The following MGAM2 variants were observed in gnomAD, a reference collection of about 807,000 sequenced individuals.
The protein encoded by MGAM2 is maltase-glucoamylase 2 (putative).
MGAM2 carries 98 observed loss-of-function variants against 96.1 expected under a neutral mutation model. The observed-to-expected ratio is 1.02, with a 90% CI of 0.87 to 1.21. The LOEUF (loss-of-function observed/expected upper bound fraction) is 1.21, where lower values mean the gene tolerates loss of function less well. Among genes scored for constraint, MGAM2 ranks in the 50% most tolerant of loss-of-function variants. MGAM2 has a pLI of 0.00. For synonymous variants in MGAM2, 749 were observed against 414.8 expected (o/e 1.81, Z -9.79); for missense variants, 2,055 against 1,182.4 (o/e 1.74, Z -10.82).
rs1040358410 is a variant in MGAM2 at position 142,134,099 on chromosome 7, A to G, written c.694A>G (p.Asn232Asp). ...GCATGTGCACCAGCAGTACCGCCAC[A>G]ATATGACCTGGAAGACTTGGCCCAT... is the stretch of plus-strand genomic sequence containing the variant. ...GEHVHQQYRH[N>D]MTWKTWPIFT... Residue 232 changes from asparagine (N) to aspartate (D), a missense_variant, in exon 7 of 48, where the codon AAT becomes GAT. Transcript: ENST00000477922. The G allele has an allele frequency of 1.0e-5, 8 of 763,486 alleles. No individual in the cohort carries two copies. In the East Asian group the frequency reaches 1.9e-4, roughly 19 times the overall value. The allele number at this position is 763,486 out of a possible 1,614,324, so 47.3% of individuals were successfully genotyped here. A position where few individuals can be genotyped will look rare whatever the true frequency, so the allele number is the denominator to read the frequency against.
At chr7:142,185,423 C>A (rs1474967770) in intron 34 of MGAM2, among the ~76,000 whole-genome samples, 1 of 152,058 alleles carries the variant, frequency 6.6e-6, no homozygotes, top group East Asian at 1.9e-4. Flanking sequence ...AATAATGAAC[C>A]AAAGTCTAGC....
intron 37 of MGAM2, among the ~76,000 whole-genome samples, chr7:142,192,658 A>G (rs1054448470): frequency 6.6e-6 from 1 of 152,222 alleles, no homozygotes; most frequent in African/African-American, 2.4e-5. Flanking sequence ...TAAAGTTTCT[A>G]CCAAAAGCTC....
chr7:142,201,271 T>C (rs1797222669), intron 45 of MGAM2, among the ~76,000 whole-genome samples: 2 of 151,842 alleles, frequency 1.3e-5, no homozygotes, highest in Non-Finnish European at 2.9e-5. Flanking sequence ...GGTTTCGCCA[T>C]GTTGGCCAGG....
chr7:142,196,105 G>A (rs1350362683), intron 37 of MGAM2, 49 bp from the exon 38 acceptor site: 3 of 786,248 alleles, frequency 3.8e-6, no homozygotes, highest in South Asian at 1.5e-5. Flanking sequence ...GTTATTCTCT[G>A]TAAAGGAGTT....
intron 14 of MGAM2, 82 bp from the exon 15 acceptor site, chr7:142,147,374 A>C: frequency 1.6e-6 from 1 of 637,786 alleles, no homozygotes; most frequent in Non-Finnish European, 2.8e-6. Context: ...AGGTACAGTA[A>C]TCAGGAAGAA....
intron 8 of MGAM2, among the ~76,000 whole-genome samples, chr7:142,137,123 T>C (rs1795081726): frequency 6.6e-6 from 1 of 152,128 alleles, no homozygotes; most frequent in Non-Finnish European, 1.5e-5. Context: ...TAATAAAATT[T>C]TTATAACGTT....
chr7:142,192,616 G>A (rs1444286564), intron 37 of MGAM2, among the ~76,000 whole-genome samples: 1 of 152,186 alleles, frequency 6.6e-6, no homozygotes, highest in Non-Finnish European at 1.5e-5. Context: ...TCAGGGCAAA[G>A]AAAGCAGCAA....
chr7:142,167,525 GT>G (rs1400735425), intron 26 of MGAM2, 39 bp downstream of exon 26: 1 of 702,646 alleles, frequency 1.4e-6, no homozygotes, highest in South Asian at 1.5e-5. Flanking sequence ...TCAAGATGGA[GT>G]TTTTAATTTA....
rs146282000 is a variant in MGAM2, at chr7:142,198,303, C to A, written c.4923+108C>A. 114 of 631,004 alleles carry A rather than the reference C, an allele frequency of 1.8e-4. 1 individual carries two copies. The highest frequency in any genetic ancestry group is 1.8e-3 in the African/African-American group (97 of 54,756). The allele number at this position is 631,004 out of a possible 1,614,324, so 39.1% of individuals were successfully genotyped here. A position where few individuals can be genotyped will look rare whatever the true frequency, so the allele number is the denominator to read the frequency against. Reference sequence around the variant, plus strand: ...TATTTCCTAAGGCAATAATTTTGACCTTTTTAGCCTTGGCAAGGCTTGTTT... The same window carrying A: ...TATTTCCTAAGGCAATAATTTTGACATTTTTAGCCTTGGCAAGGCTTGTTT... On this transcript the variant is annotated intron_variant, in intron 43 of 47. Coordinates refer to ENST00000477922, the MANE Select transcript of MGAM2 (RefSeq NM_001293626.2).
Position 142,198,741 on chromosome 7 carries a change from TGAGGAGAAG to T in MGAM2, c.5048+3_5048+11del, listed in dbSNP as rs1441489266. 1.4e-6 allele frequency: 1 copy of T among 703,212 alleles called. No homozygotes were observed. Among genetic ancestry groups the T allele is most frequent in the South Asian group, 1.5e-5 (1 of 67,448 alleles). 43.6% of individuals were successfully genotyped at this position (703,212 alleles called of 1,614,324 possible). A position where few individuals can be genotyped will look rare whatever the true frequency, so the allele number is the denominator to read the frequency against. ...GCCTGCTATGAACACTCACTCCAGG[TGAGGAGAAG>T]AGGCAATGTCTAACAGCCTCTTGCT... is the stretch of plus-strand genomic sequence containing the variant. On this transcript the variant is annotated splice_donor_5th_base_variant and intron_variant, in intron 44 of 47. Transcript: ENST00000477922.
chr7:142,198,532 G>A, intron 43 of MGAM2, 83 bp from the exon 44 acceptor site: 1 of 633,898 alleles, frequency 1.6e-6, no homozygotes, highest in Non-Finnish European at 2.9e-6. Context: ...TGCTTCCCAG[G>A]AAAGGAAGGA....
At chr7:142,192,697 C>G (rs1045860810) in intron 37 of MGAM2, among the ~76,000 whole-genome samples, 13 of 152,210 alleles carry the variant, frequency 8.5e-5, no homozygotes, top group African/African-American at 2.9e-4. Context: ...CCCCTCCTCT[C>G]TCTTCAGGGA....
chr7:142,138,529 C>G lies in MGAM2; in HGVS notation c.961-13C>G. The G allele has an allele frequency of 1.4e-6, 1 of 702,292 alleles. No homozygotes were observed. The highest frequency in any genetic ancestry group is 2.6e-6 in the Non-Finnish European group (1 of 384,674). 43.5% of individuals were successfully genotyped at this position (702,292 alleles called of 1,614,324 possible). On this transcript the variant is annotated splice_polypyrimidine_tract_variant and intron_variant, in intron 9 of 47. Coordinates refer to ENST00000477922, the MANE Select transcript of MGAM2 (RefSeq NM_001293626.2). ...GTTATTCTCAAAGCCTACACACTTA[C>G]TTATCTTTTCAGCTTGTTGGACGGC...
chr7:142,134,862 C>G (rs1007864757), intron 7 of MGAM2, among the ~76,000 whole-genome samples: 6 of 150,954 alleles, frequency 4.0e-5, no homozygotes, highest in African/African-American at 1.5e-4. Flanking sequence ...TAAAAAAACT[C>G]AAAGACATAC....
intron 8 of MGAM2, among the ~76,000 whole-genome samples, chr7:142,137,166 C>G (rs572733826): frequency 6.6e-6 from 1 of 151,696 alleles, no homozygotes; most frequent in Non-Finnish European, 1.5e-5. Context: ...AACCCAGAAG[C>G]TTGTATTTTT....
chr7:142,136,760 C>T (rs1239851273), intron 8 of MGAM2, 120 bp downstream of exon 8: 2 of 534,824 alleles, frequency 3.7e-6, no homozygotes, highest in East Asian at 5.9e-5. Context: ...ACCTACAATA[C>T]TTTTATTGAA....
At position 142,220,578 on chromosome 7, in the gene MGAM2, A is replaced by T. The variant is rs78860370; in HGVS notation, c.6067A>T (p.Thr2023Ser). ...TNATPVPITT[T>S]LFATSTIGVT... ...TGCTACCCCTGTTCCTATCACAACC[A>T]CACTTTTTGCAACAAGTACTATTGG... Residue 2023 changes from threonine to serine, a missense_variant, in exon 48 of 48, where the codon ACA (threonine) becomes TCA (serine). Thr to Ser is a moderately conservative substitution (Grantham distance 58, BLOSUM62 1). Coordinates refer to ENST00000477922, the MANE Select transcript of MGAM2 (RefSeq NM_001293626.2). 0.013 allele frequency: 9,119 copies of T among 702,190 alleles called. 690 individuals are homozygous for T. In the East Asian group the frequency reaches 0.18, roughly 14 times the overall value. The allele number at this position is 702,190 out of a possible 1,614,324, so 43.5% of individuals were successfully genotyped here. A position where few individuals can be genotyped will look rare whatever the true frequency, so the allele number is the denominator to read the frequency against.
Position 142,173,300 on chromosome 7 carries a change from T to G in MGAM2, c.3633T>G (p.Asn1211Lys), listed in dbSNP as rs908224615. The change falls in exon 31 of 48, where the codon AAT becomes AAG. Residue 1211 changes from asparagine to lysine, a missense_variant. Transcript: ENST00000477922. ...ATCTGAGTCGCTATGGATACCAGAA[T>G]GATGCTGAAATCTCCAGTTTGTATG... is the stretch of plus-strand genomic sequence containing the variant. ...GFHLSRYGYQ[N>K]DAEISSLYDA... is the part of the protein sequence containing the mutation. The G allele has an allele frequency of 1.4e-6, 1 of 703,110 alleles. No individual in the cohort carries two copies. The highest frequency in any genetic ancestry group is 1.5e-5 in the South Asian group (1 of 67,588). 43.6% of individuals were successfully genotyped at this position (703,110 alleles called of 1,614,324 possible).
At chr7:142,195,659 C>T (rs2129099546) in intron 37 of MGAM2, among the ~76,000 whole-genome samples, 1 of 152,038 alleles carries the variant, frequency 6.6e-6, no homozygotes, top group African/African-American at 2.4e-5. Flanking sequence ...ACCCAGACCT[C>T]TTTACCCTTT....
Sources: gnomAD v4.1 joint callset for allele counts (sites outside exome capture counted in the v4.1 genomes callset) on GRCh38, gnomAD v4.1.1 for gene constraint, MANE v1.5 for transcripts, NCBI Gene and HGNC (gene_info 2026-07-23, HGNC 2026-07-21) for gene names.